Variants in GIPC2 observed in about 807,000 individuals in gnomAD.
The protein encoded by GIPC2 is GIPC PDZ domain containing family member 2.
In GIPC2, 30 loss-of-function variants were observed where a neutral mutation model predicts 30.6. That is an observed-to-expected ratio of 0.98 (90% CI 0.73 to 1.33). The LOEUF is 1.33. Ranked by LOEUF, GIPC2 falls within the 40% of genes most tolerant of loss-of-function variation. The pLI, the probability that GIPC2 is intolerant of heterozygous loss-of-function variation, is 0.00. For missense variants in GIPC2, 414 were observed against 390.3 expected (o/e 1.06, Z -0.51); for synonymous variants, 167 against 150.0 (o/e 1.11, Z -0.83).
chr1:78,051,615 T>C (rs1447890518), intron 1 of GIPC2, among the ~76,000 whole-genome samples: 1 of 152,102 alleles, frequency 6.6e-6, no homozygotes, highest in Non-Finnish European at 1.5e-5. Context: ...TTCTCCTGCC[T>C]CAGCCTCCTG....
chr1:78,068,260 G>A (rs536850449), intron 1 of GIPC2, among the ~76,000 whole-genome samples: 3 of 152,244 alleles, frequency 2.0e-5, no homozygotes, highest in African/African-American at 7.2e-5. Flanking sequence ...TGAACATTTA[G>A]AGTTAATATC....
In GIPC2 at chr1:78,103,432, G is replaced by A. The variant is rs147368190; in HGVS notation, c.607+8300G>A. On this transcript the variant is annotated intron_variant, in intron 3 of 5. Coordinates refer to ENST00000370759, the MANE Select transcript of GIPC2 (RefSeq NM_017655.6). ...TTGAGGATGAAATGAGTTAATGTAT[G>A]TATGTGCTTAGAACAGTGTTATGTA... Among the ~76,000 whole-genome samples the A allele has an allele frequency of 3.1e-3, 465 of 152,298 alleles. 2 individuals carry two copies. The highest frequency in any genetic ancestry group is 0.011 in the African/African-American group (451 of 41,560).
At chr1:78,123,191 C>T (rs1161130455) in intron 4 of GIPC2, among the ~76,000 whole-genome samples, 6 of 136,452 alleles carry the variant, frequency 4.4e-5, no homozygotes, top group South Asian at 2.5e-4. Flanking sequence ...GCCCAGGAGG[C>T]GGAGGTTGCA....
intron 1 of GIPC2, among the ~76,000 whole-genome samples, chr1:78,069,499 A>T (rs1351382624): frequency 1.5e-5 from 2 of 130,920 alleles, no homozygotes; most frequent in African/African-American, 3.0e-5. Flanking sequence ...TTTTTTTGAG[A>T]CAGAGTCTCT....
At chr1:78,078,836 C>CG (rs1256653642) in intron 1 of GIPC2, among the ~76,000 whole-genome samples, 1 of 119,886 alleles carries the variant, frequency 8.3e-6, no homozygotes, top group African/African-American at 3.2e-5. Context: ...ACAGATTCAC[C>CG]GGAAAAAAAA....
At chr1:78,089,912 C>T (rs934760690) in intron 2 of GIPC2, among the ~76,000 whole-genome samples, 2 of 152,282 alleles carry the variant, frequency 1.3e-5, no homozygotes, top group Non-Finnish European at 2.9e-5. Flanking sequence ...AAAACAGTTA[C>T]AGATAATACT....
chr1:78,126,858 G>C (rs543967839), intron 5 of GIPC2, among the ~76,000 whole-genome samples: 3 of 152,306 alleles, frequency 2.0e-5, no homozygotes, highest in Non-Finnish European at 4.4e-5. Context: ...TGGTTGGTCT[G>C]ATTGGCTCAA....
intron 1 of GIPC2, among the ~76,000 whole-genome samples, chr1:78,080,199 A>G (rs1169831850): frequency 6.6e-6 from 1 of 152,290 alleles, no homozygotes; most frequent in South Asian, 2.1e-4. Flanking sequence ...TAGTGTATGC[A>G]TGATGCAGAC....
At chr1:78,053,557 T>C (rs1479818321) in intron 1 of GIPC2, among the ~76,000 whole-genome samples, 1 of 152,058 alleles carries the variant, frequency 6.6e-6, no homozygotes, top group Non-Finnish European at 1.5e-5. Context: ...TGTTGGGTTA[T>C]TACAATGCAG....
At chr1:78,133,753 TG>T (rs1341376177) in intron 5 of GIPC2, among the ~76,000 whole-genome samples, 31 of 566 alleles carry the variant, frequency 0.055, no homozygotes, top group African/African-American at 0.15. Flanking sequence ...AAAAAAATTG[TG>T]TGTGTGTGTG....
At chr1:78,101,668 C>T (rs1355485274) in intron 3 of GIPC2, among the ~76,000 whole-genome samples, 1 of 152,174 alleles carries the variant, frequency 6.6e-6, no homozygotes, top group Non-Finnish European at 1.5e-5. Context: ...GTTACTGATT[C>T]AAATTTTCCT....
At chr1:78,052,645 A>G (rs1042125431) in intron 1 of GIPC2, among the ~76,000 whole-genome samples, 2 of 152,232 alleles carry the variant, frequency 1.3e-5, no homozygotes, top group African/African-American at 4.8e-5. Context: ...TTTAAGGTAT[A>G]CAACACGATG....
chr1:78,057,325 A>G (rs1661315505), intron 1 of GIPC2, among the ~76,000 whole-genome samples: 1 of 152,144 alleles, frequency 6.6e-6, no homozygotes, highest in Admixed American at 6.5e-5. Flanking sequence ...TTCATCCCTA[A>G]GAAACCCTCT....
chr1:78,075,343 C>T (rs1301061538), intron 1 of GIPC2, among the ~76,000 whole-genome samples: 2 of 152,054 alleles, frequency 1.3e-5, no homozygotes, highest in African/African-American at 2.4e-5. Context: ...GTGGTCCCAG[C>T]TACTAGGGAG....
intron 1 of GIPC2, among the ~76,000 whole-genome samples, chr1:78,056,144 T>C (rs1188843631): frequency 6.6e-6 from 1 of 152,154 alleles, no homozygotes; most frequent in Non-Finnish European, 1.5e-5. Flanking sequence ...TTCCATAAGA[T>C]TGAGAGCCAC....
intron 3 of GIPC2, 117 bp from the exon 4 acceptor site, chr1:78,119,276 A>G (rs573817246): frequency 1.2e-5 from 7 of 599,594 alleles, no homozygotes; most frequent in African/African-American, 1.1e-4. Flanking sequence ...CCTACGTTTT[A>G]TCAAATTTCT....
chr1:78,084,989 T>TGA (rs1317838850), intron 2 of GIPC2, among the ~76,000 whole-genome samples: 1 of 152,168 alleles, frequency 6.6e-6, no homozygotes, highest in African/African-American at 2.4e-5. Context: ...GTAGGAGTGG[T>TGA]GAGAGAGAGC....
intron 1 of GIPC2, among the ~76,000 whole-genome samples, chr1:78,064,109 A>G (rs1345205223): frequency 6.6e-6 from 1 of 152,226 alleles, no homozygotes; most frequent in Non-Finnish European, 1.5e-5. Context: ...ATTTTCTGAA[A>G]CGATAAATAA....
chr1:78,097,126 T>C (rs1662151863), intron 3 of GIPC2, among the ~76,000 whole-genome samples: 1 of 152,190 alleles, frequency 6.6e-6, no homozygotes, highest in Non-Finnish European at 1.5e-5. Flanking sequence ...GGGGAGCATA[T>C]ATCAGGGGGT....
Sources: allele counts gnomAD v4.1 joint callset (sites outside exome capture counted in the v4.1 genomes callset), GRCh38; gene constraint gnomAD v4.1.1; transcripts MANE v1.5; gene names NCBI Gene and HGNC (gene_info 2026-07-23, HGNC 2026-07-21).